USP24: variants seen among roughly 807,000 people sequenced by gnomAD.
USP24 encodes the protein ubiquitin carboxyl-terminal hydrolase 24.
In USP24, 97 loss-of-function variants were observed where a neutral mutation model predicts 361.6. The ratio of observed to expected loss-of-function variants is 0.27; its 90% CI spans 0.23 to 0.32. The LOEUF (loss-of-function observed/expected upper bound fraction) is 0.32, where lower values mean the gene tolerates loss of function less well. Ranked by LOEUF, USP24 falls within the 10% of genes least tolerant of loss-of-function variation. The pLI, the probability that USP24 is intolerant of heterozygous loss-of-function variation, is 1.00. For synonymous variants in USP24, 1,098 were observed against 1,124.6 expected, an observed-to-expected ratio of 0.98 and a Z score of 0.47; for missense variants, 2,353 against 3,165.6, an observed-to-expected ratio of 0.74 and a Z score of 6.16.
At position 55,066,576 on chromosome 1, in the gene USP24, G is replaced by A. The variant is rs1644828568; in HGVS notation, c.*2469C>T. On this transcript the variant is annotated 3_prime_UTR_variant, in exon 68 of 68. Transcript: ENST00000294383. ...CACCTCGATGTTAGCAGGGAAGGTGGGGCAGGACAGGGTAAGTCTGATGAT... is the reference window on the plus strand; with the variant it reads ...CACCTCGATGTTAGCAGGGAAGGTGAGGCAGGACAGGGTAAGTCTGATGAT... The A allele has an allele frequency of 6.6e-6, 1 of 152,118 alleles. No homozygotes were observed. The highest frequency in any genetic ancestry group is 1.5e-5 in the Non-Finnish European group (1 of 68,038). 9.4% of individuals were successfully genotyped at this position (152,118 alleles called of 1,614,324 possible). A position where few individuals can be genotyped will look rare whatever the true frequency, so the allele number is the denominator to read the frequency against.
At chr1:55,189,816 A>T (rs1295283441) in intron 1 of USP24, among the ~76,000 whole-genome samples, 2 of 152,200 alleles carry the variant, frequency 1.3e-5, no homozygotes, top group Non-Finnish European at 2.9e-5. Flanking sequence ...GTTGTACCTA[A>T]TCTGTAATAA....
In USP24 at chr1:55,085,985, A is replaced by G. The variant is rs1408973512; in HGVS notation, c.6722T>C (p.Ile2241Thr). Residue 2241 changes from isoleucine to threonine, a missense_variant, in exon 56 of 68, where the codon ATT (isoleucine) becomes ACT (threonine). This residue lies in a region of USP24 where 598 missense variants were observed against 761.9 expected (regional missense o/e 0.78). Coordinates refer to ENST00000294383, the MANE Select transcript of USP24 (RefSeq NM_015306.3). ...GGCACTGTCTAGGGTTTTCTCCAGA[A>G]TGGTGGCCACAGCAACTCGTACTTC... Reference protein sequence around the residue: ...VREVRVAVATILEKTLDSALF... With the variant: ...VREVRVAVATTLEKTLDSALF... 1.2e-6 allele frequency: 2 copies of G among 1,613,948 alleles called. No homozygotes were observed.
chr1:55,115,495 C>CAAAAA lies in USP24; in HGVS notation c.4508+5096_4508+5100dup, dbSNP rs1165658382. Among the ~76,000 whole-genome samples, 206 of 45,832 alleles carry CAAAAA rather than the reference C, an allele frequency of 4.5e-3. 14 individuals are homozygous for CAAAAA. The highest frequency in any genetic ancestry group is 0.013 in the African/African-American group (191 of 14,620). 30.1% of individuals were successfully genotyped at this position (45,832 alleles called of 152,430 possible). ...TGGGCGACAGAGCGAGACTCCGCCT[C>CAAAAA]AAAAAAAAAAAAAAAAAAAAAGGAA... is the stretch of plus-strand genomic sequence containing the variant. On this transcript the variant is annotated intron_variant, in intron 38 of 67. Coordinates refer to ENST00000294383, the MANE Select transcript of USP24 (RefSeq NM_015306.3).
In USP24 at chr1:55,100,999, T is replaced by C. The variant is rs767221925; in HGVS notation, c.5146-35A>G. 7 of 1,597,974 alleles carry C rather than the reference T, an allele frequency of 4.4e-6. No individual in the cohort carries two copies. In the East Asian group the frequency reaches 1.3e-4, roughly 31 times the overall value. ...AAAGAAACATATCAAGCTTGAAATATTTAAAATGCTTCACAGGAAACTCTG... is the reference window on the plus strand; with the variant it reads ...AAAGAAACATATCAAGCTTGAAATACTTAAAATGCTTCACAGGAAACTCTG... On this transcript the variant is annotated intron_variant, in intron 43 of 67. Coordinates refer to ENST00000294383, the MANE Select transcript of USP24 (RefSeq NM_015306.3).
At chr1:55,159,748 ACTT>A in intron 8 of USP24, 63 bp from the exon 9 acceptor site, 1 of 1,395,384 alleles carries the variant, frequency 7.2e-7, no homozygotes. Flanking sequence ...GAGAGAGAAT[ACTT>A]CTTCATCTAC....
At position 55,139,091 on chromosome 1, in the gene USP24, C is replaced by T. The variant is rs1389533491; in HGVS notation, c.2751-81G>A. 3.2e-5 allele frequency: 41 copies of T among 1,281,416 alleles called. 1 individual carries two copies. The South Asian group carries it at 5.3e-4, about 17-fold the overall frequency. 79.4% of individuals were successfully genotyped at this position (1,281,416 alleles called of 1,614,324 possible). A position where few individuals can be genotyped will look rare whatever the true frequency, so the allele number is the denominator to read the frequency against. On this transcript the variant is annotated intron_variant, in intron 24 of 67. Coordinates refer to ENST00000294383, the MANE Select transcript of USP24 (RefSeq NM_015306.3). ...TCAGTTCTAGTCTGTTTCACCAAAACCACAATAACAGTTAGCACTCACTGG... is the reference window on the plus strand; with the variant it reads ...TCAGTTCTAGTCTGTTTCACCAAAATCACAATAACAGTTAGCACTCACTGG...
chr1:55,091,947 A>T, intron 54 of USP24, 76 bp downstream of exon 54: 1 of 1,106,698 alleles, frequency 9.0e-7, no homozygotes, highest in Non-Finnish European at 1.3e-6. Context: ...ACAATATTTT[A>T]ATTATAAATT....
chr1:55,099,815 C>A lies in USP24; in HGVS notation c.5326G>T (p.Glu1776Ter), dbSNP rs867517899. Reference protein sequence around the residue: ...LYVREQQDAYEFFTSLIDQMD... With the variant: ...LYVREQQDAY ...TGATCAATGAGACTAGTAAAGAATT[C>A]ATATGCATCCTGCTGTTCTCTCACA... The change falls in exon 45 of 68, where the codon GAA becomes TAA. Residue 1776 changes from glutamate to a stop codon, truncating the protein, a stop_gained. Transcript: ENST00000294383. LOFTEE classifies it high-confidence loss of function. The A allele has an allele frequency of 6.4e-7, 1 of 1,560,032 alleles. No homozygotes were observed. The highest frequency in any genetic ancestry group is 8.7e-7 in the Non-Finnish European group (1 of 1,150,780).
chr1:55,132,038 T>G (rs919663541), intron 31 of USP24, among the ~76,000 whole-genome samples: 2 of 152,220 alleles, frequency 1.3e-5, no homozygotes, highest in African/African-American at 4.8e-5. Flanking sequence ...GTGAGTAACT[T>G]GTTTTTTCAA....
At chr1:55,134,204 G>C in intron 29 of USP24, 41 bp from the exon 30 acceptor site, 1 of 1,596,380 alleles carries the variant, frequency 6.3e-7, no homozygotes, top group Non-Finnish European at 8.6e-7. Context: ...ATAAGCCATA[G>C]TTTAATTCAA....
intron 1 of USP24, among the ~76,000 whole-genome samples, chr1:55,188,272 T>C (rs1294603630): frequency 6.6e-6 from 1 of 152,092 alleles, no homozygotes; most frequent in Non-Finnish European, 1.5e-5. Context: ...TAACTCAATG[T>C]AACGCAAGAC....
At chr1:55,135,062 G>A (rs1333848836) in intron 28 of USP24, among the ~76,000 whole-genome samples, 1 of 152,126 alleles carries the variant, frequency 6.6e-6, no homozygotes, top group Non-Finnish European at 1.5e-5. Flanking sequence ...TAAACTTGAA[G>A]ATACTATGTA....
intron 38 of USP24, among the ~76,000 whole-genome samples, chr1:55,118,404 G>A (rs1293838552): frequency 1.3e-5 from 2 of 152,158 alleles, no homozygotes; most frequent in African/African-American, 2.4e-5. Context: ...ATATTCACAT[G>A]GAGAAAAACG....
chr1:55,160,542 A>G (rs1439997148), intron 8 of USP24, among the ~76,000 whole-genome samples: 3 of 152,242 alleles, frequency 2.0e-5, no homozygotes, highest in African/African-American at 7.2e-5. Context: ...TCATACAAGT[A>G]GCAAGTAGTA....
chr1:55,130,431 T>TTA lies in USP24; in HGVS notation c.3538-859_3538-858dup, dbSNP rs1176682605. Among the ~76,000 whole-genome samples the TTA allele has an allele frequency of 3.9e-5, 6 of 152,364 alleles. No individual in the cohort carries two copies. The East Asian group carries it at 9.6e-4, about 24-fold the overall frequency. On this transcript the variant is annotated intron_variant, in intron 31 of 67. Coordinates refer to ENST00000294383, the MANE Select transcript of USP24 (RefSeq NM_015306.3). ...AAACAAGTACTCAGTAAACAACTGC[T>TTA]TATTAAGTTATGATTTAAAAATAAA...
chr1:55,083,396 A>G (rs773773577), intron 57 of USP24, 32 bp from the exon 58 acceptor site: 6 of 1,605,838 alleles, frequency 3.7e-6, no homozygotes, highest in Non-Finnish European at 4.3e-6. Context: ...AACAAATTAT[A>G]TTTCTATCCA....
intron 1 of USP24, among the ~76,000 whole-genome samples, chr1:55,212,424 A>G (rs1486078852): frequency 6.6e-6 from 1 of 152,158 alleles, no homozygotes; most frequent in East Asian, 1.9e-4. Context: ...AGCCCCTGCC[A>G]CCCACTACAT....
intron 38 of USP24, 96 bp from the exon 39 acceptor site, chr1:55,110,342 A>G (rs1645913663): frequency 2.8e-6 from 3 of 1,058,690 alleles, no homozygotes; most frequent in Non-Finnish European, 2.6e-6. Context: ...CAAGTGAGCA[A>G]GATAATTTTG....
intron 11 of USP24, 95 bp downstream of exon 11, chr1:55,157,161 A>T: frequency 7.4e-7 from 1 of 1,345,332 alleles, no homozygotes; most frequent in Non-Finnish European, 1.0e-6. Flanking sequence ...TTAAAGACTA[A>T]TACAGTCAAA....
Sources: allele counts gnomAD v4.1 joint callset (sites outside exome capture counted in the v4.1 genomes callset), GRCh38; gene constraint gnomAD v4.1.1; regional missense constraint gnomAD v4.1.1; transcripts MANE v1.5; gene names NCBI Gene and HGNC (gene_info 2026-07-23, HGNC 2026-07-21).